TANC2: variants seen among roughly 807,000 people sequenced by gnomAD.
The protein encoded by TANC2 is protein TANC2.
In TANC2, 26 loss-of-function variants were observed where a neutral mutation model predicts 210.5. That is an observed-to-expected ratio of 0.12 (90% CI 0.09 to 0.17). The LOEUF is 0.17. TANC2 is among the 10% of genes least tolerant of loss of function. The probability of loss-of-function intolerance (pLI) is 1.00; values close to 1 mark genes in which losing one functional copy is unlikely to be tolerated. For missense variants in TANC2, 2,129 were observed against 2,608.9 expected, an observed-to-expected ratio of 0.82 and a Z score of 4.01; for synonymous variants, 931 against 967.1, an observed-to-expected ratio of 0.96 and a Z score of 0.69.
chr17:63,006,792 A>T (rs887074734), intron 1 of TANC2, among the ~76,000 whole-genome samples: 6 of 151,794 alleles, frequency 4.0e-5, no homozygotes, highest in African/African-American at 7.3e-5. Flanking sequence ...TTTTTTTTTT[A>T]AATCTACTTG....
intron 9 of TANC2, among the ~76,000 whole-genome samples, chr17:63,295,281 C>T (rs745980067): frequency 2.6e-5 from 4 of 152,072 alleles, no homozygotes; most frequent in Non-Finnish European, 5.9e-5. Context: ...GAATTAATTA[C>T]GTTTTTAGAA....
intron 2 of TANC2, among the ~76,000 whole-genome samples, chr17:63,044,837 T>A (rs1367717142): frequency 2.6e-5 from 4 of 152,206 alleles, no homozygotes; most frequent in African/African-American, 9.6e-5. Context: ...TTGAACATCT[T>A]TTCATATGTT....
At position 63,366,249 on chromosome 17, in the gene TANC2, A is replaced by G. The variant is rs1598952676; in HGVS notation, c.2582+10859A>G. Among the ~76,000 whole-genome samples, 3 of 152,320 alleles carry G rather than the reference A, an allele frequency of 2.0e-5. No homozygotes were observed. In the South Asian group the frequency reaches 6.2e-4, roughly 32 times the overall value. On this transcript the variant is annotated intron_variant, in intron 14 of 27. Coordinates refer to ENST00000689528, the Ensembl canonical transcript of TANC2. The stretch of plus-strand genomic sequence containing the variant: ...GCATTTCAGCAAGTATTCAGTGAAT[A>G]TTTATTAAGTAATATATTTAAGGCT...
intron 12 of TANC2, among the ~76,000 whole-genome samples, chr17:63,343,904 A>G (rs905298020): frequency 6.6e-6 from 1 of 152,222 alleles, no homozygotes; most frequent in African/African-American, 2.4e-5. Context: ...TCAAAAAGAA[A>G]AAAGAAAGTT....
At chr17:63,085,804 AT>A (rs2036942587) in intron 3 of TANC2, among the ~76,000 whole-genome samples, 1 of 152,136 alleles carries the variant, frequency 6.6e-6, no homozygotes, top group African/African-American at 2.4e-5. Context: ...ACAATTAAGA[AT>A]TTTTTAAAAA....
intron 2 of TANC2, among the ~76,000 whole-genome samples, chr17:63,026,214 T>C (rs1235147334): frequency 6.6e-6 from 1 of 152,212 alleles, no homozygotes; most frequent in African/African-American, 2.4e-5. Context: ...ATTCATCTTA[T>C]ATGTCTTGCT....
intron 9 of TANC2, among the ~76,000 whole-genome samples, chr17:63,301,622 A>G (rs2044715944): frequency 1.3e-5 from 2 of 151,970 alleles, no homozygotes; most frequent in Admixed American, 1.3e-4. Context: ...GTTAGTGGTG[A>G]TATCCCTTTT....
chr17:63,392,327 C>T (rs1391924774), intron 17 of TANC2, among the ~76,000 whole-genome samples: 1 of 152,196 alleles, frequency 6.6e-6, no homozygotes, highest in Admixed American at 6.5e-5. Context: ...TTCCTCAGAT[C>T]CAGCTTTCTA....
intron 3 of TANC2, among the ~76,000 whole-genome samples, chr17:63,090,442 T>C (rs2037142654): frequency 6.6e-6 from 1 of 152,034 alleles, no homozygotes; most frequent in South Asian, 2.1e-4. Flanking sequence ...AGTTCCCACC[T>C]ATGAGTGAGA....
At chr17:63,157,423 T>C (rs1335160605) in intron 5 of TANC2, among the ~76,000 whole-genome samples, 1 of 152,232 alleles carries the variant, frequency 6.6e-6, no homozygotes, top group Admixed American at 6.5e-5. Context: ...TAGTTAGATA[T>C]CCAAAGGGGC....
At chr17:63,083,138 A>C (rs2036840126) in intron 3 of TANC2, among the ~76,000 whole-genome samples, 1 of 152,016 alleles carries the variant, frequency 6.6e-6, no homozygotes, top group South Asian at 2.1e-4. Context: ...TCACTTCTTC[A>C]CTTCACCACT....
Position 63,418,263 on chromosome 17 carries a change from T to G in TANC2, c.4168-44T>G. On this transcript the variant is annotated intron_variant, in intron 26 of 27. Coordinates refer to ENST00000689528, the Ensembl canonical transcript of TANC2. This position sits in a 1 kb window ranked among gnomAD's most constrained non-coding sequence, Gnocchi z 4.6. ...TTTTATTCCCAAGTTGTCTATTTTT[T>G]ATATCTCATCAATGACTCATTTGCA... is the stretch of plus-strand genomic sequence containing the variant. 6.4e-7 allele frequency: 1 copy of G among 1,551,974 alleles called. No individual in the cohort carries two copies. The highest frequency in any genetic ancestry group is 1.2e-5 in the South Asian group (1 of 85,054).
intron 5 of TANC2, chr17:63,151,768 C>A (rs1375500961): frequency 1.3e-5 from 2 of 152,100 alleles, no homozygotes; most frequent in Admixed American, 1.3e-4. Flanking sequence ...GTGTTCTATG[C>A]AACACTTTTG....
At chr17:63,213,669 T>A (rs1350401022) in intron 7 of TANC2, among the ~76,000 whole-genome samples, 2 of 152,138 alleles carry the variant, frequency 1.3e-5, no homozygotes, top group East Asian at 3.9e-4. Context: ...ACAAATCTCA[T>A]TGGGGAAGGT....
chr17:63,086,860 G>T (rs969850490), intron 3 of TANC2, among the ~76,000 whole-genome samples: 9 of 151,754 alleles, frequency 5.9e-5, no homozygotes, highest in African/African-American at 1.9e-4. Context: ...GCTAGCTAGA[G>T]GTTTGTAAAA....
At chr17:63,347,590 T>TTTGAGTCA (rs1350199496) in intron 12 of TANC2, among the ~76,000 whole-genome samples, 1 of 152,256 alleles carries the variant, frequency 6.6e-6, no homozygotes, top group African/African-American at 2.4e-5. Flanking sequence ...TTTCAAATTA[T>TTTGAGTCA]GTATTTTCTT....
chr17:63,342,928 G>T (rs1283341224), intron 12 of TANC2, among the ~76,000 whole-genome samples: 1 of 152,096 alleles, frequency 6.6e-6, no homozygotes, highest in Non-Finnish European at 1.5e-5. Flanking sequence ...GTTCTAAGTG[G>T]ATTTAATTAC....
chr17:63,026,084 G>T (rs2034543171), intron 2 of TANC2, among the ~76,000 whole-genome samples: 1 of 151,978 alleles, frequency 6.6e-6, no homozygotes, highest in African/African-American at 2.4e-5. Context: ...TTTCTAATCA[G>T]AAATCACCTT....
chr17:63,295,694 G>C (rs1043989323), intron 9 of TANC2, among the ~76,000 whole-genome samples: 2 of 152,168 alleles, frequency 1.3e-5, no homozygotes, highest in Non-Finnish European at 2.9e-5. Flanking sequence ...GCCACATTCA[G>C]ATGTAATAAT....
Sources: gnomAD v4.1 joint callset for allele counts (sites outside exome capture counted in the v4.1 genomes callset) on GRCh38, gnomAD v4.1.1 for gene constraint, Gnocchi (gnomAD v3.1) non-coding constraint, MANE v1.5 for transcripts, NCBI Gene and HGNC (gene_info 2026-07-23, HGNC 2026-07-21) for gene names.